CYYR1: variants seen among roughly 807,000 people sequenced by gnomAD.
The protein encoded by CYYR1 is cysteine and tyrosine rich 1.
CYYR1 carries 14 observed loss-of-function variants against 15.2 expected under a neutral mutation model. The ratio of observed to expected loss-of-function variants is 0.92; its 90% CI spans 0.61 to 1.44. The LOEUF is 1.44. CYYR1 is among the 40% of genes most tolerant of loss of function. The pLI is 0.00. For synonymous variants in CYYR1, 80 were observed against 77.4 expected (o/e 1.03, Z -0.18); for missense variants, 228 against 209.5 (o/e 1.09, Z -0.54).
intron 2 of CYYR1, among the ~76,000 whole-genome samples, chr21:26,565,720 G>T (rs975104090): frequency 1.3e-5 from 2 of 152,128 alleles, no homozygotes; most frequent in Admixed American, 6.5e-5. Context: ...TTATCACTTT[G>T]CATTACTCAT....
intron 2 of CYYR1, among the ~76,000 whole-genome samples, chr21:26,520,955 T>A (rs2065797393): frequency 6.6e-6 from 1 of 152,146 alleles, no homozygotes. Flanking sequence ...CACTGCGCGT[T>A]CTCACTTGTA....
chr21:26,489,354 A>G (rs560618312), intron 2 of CYYR1, among the ~76,000 whole-genome samples: 1 of 152,174 alleles, frequency 6.6e-6, no homozygotes, highest in Admixed American at 6.5e-5. Context: ...GCTTTGATTG[A>G]TGAACAAAAA....
At chr21:26,482,163 A>C (rs748900671) in intron 2 of CYYR1, 8 of 471,216 alleles carry the variant, frequency 1.7e-5, no homozygotes, top group Non-Finnish European at 2.2e-5. Flanking sequence ...TCCTTGGTTA[A>C]ATCAGTCTTC....
chr21:26,538,467 T>C (rs575915702), intron 2 of CYYR1, among the ~76,000 whole-genome samples: 6 of 152,314 alleles, frequency 3.9e-5, no homozygotes, highest in African/African-American at 1.4e-4. Context: ...GAATGCAATA[T>C]AGTCTTTTAT....
intron 1 of CYYR1, among the ~76,000 whole-genome samples, chr21:26,567,700 T>G (rs543707137): frequency 3.3e-5 from 5 of 152,174 alleles, no homozygotes; most frequent in African/African-American, 1.2e-4. Flanking sequence ...TATATAAAAC[T>G]TTTGTTTCCC....
intron 2 of CYYR1, among the ~76,000 whole-genome samples, chr21:26,546,801 A>G (rs908987352): frequency 6.6e-6 from 1 of 152,170 alleles, no homozygotes; most frequent in Admixed American, 6.5e-5. Context: ...GTCGGGATAG[A>G]TTCTACTCTG....
At position 26,468,325 on chromosome 21, in the gene CYYR1, G is replaced by A; in HGVS notation, c.*176C>T. 1 of 647,024 alleles carries A rather than the reference G, an allele frequency of 1.5e-6. No individual in the cohort carries two copies. The highest frequency in any genetic ancestry group is 2.8e-6 in the Non-Finnish European group (1 of 356,110). The allele number at this position is 647,024 out of a possible 1,614,324, so 40.1% of individuals were successfully genotyped here. On this transcript the variant is annotated 3_prime_UTR_variant, in exon 4 of 4. Coordinates refer to ENST00000652641, the MANE Select transcript of CYYR1 (RefSeq NM_001320768.2). ...ACCAAACATTAATACTCCAGATGGG[G>A]TCAGCTTTGAGCAGAGTAGAAATCC...
intron 2 of CYYR1, among the ~76,000 whole-genome samples, chr21:26,492,879 T>C (rs576716014): frequency 2.0e-5 from 3 of 152,062 alleles, no homozygotes; most frequent in Non-Finnish European, 4.4e-5. Context: ...AAGTGCAAAC[T>C]AGGTTCTATG....
rs892093088 is a variant in CYYR1 at position 26,573,103 on chromosome 21, C to T, written c.-163G>A. 3.3e-6 allele frequency: 5 copies of T among 1,517,052 alleles called. No homozygotes were observed. Among genetic ancestry groups the T allele is most frequent in the Non-Finnish European group, 3.5e-6 (4 of 1,136,678 alleles). 94.0% of individuals were successfully genotyped at this position (1,517,052 alleles called of 1,614,324 possible). On this transcript the variant is annotated 5_prime_UTR_variant, in exon 1 of 4. Transcript: ENST00000652641. The stretch of plus-strand genomic sequence containing the variant: ...GCCTTCCAAGGGAGCCCGGGCCGGG[C>T]GCGTCCCGGGCCAGCGACTGCGGGA...
intron 2 of CYYR1, among the ~76,000 whole-genome samples, chr21:26,540,404 T>A (rs966498548): frequency 6.6e-6 from 1 of 152,138 alleles, no homozygotes; most frequent in African/African-American, 2.4e-5. Flanking sequence ...CCTTGGGGTG[T>A]ACTGCTTTTA....
chr21:26,482,599 CAAAG>C, intron 2 of CYYR1: 9 of 727,850 alleles, frequency 1.2e-5, no homozygotes, highest in Non-Finnish European at 1.5e-5. Flanking sequence ...AAAATCGACT[CAAAG>C]GAAAGTAGAT....
At chr21:26,482,525 C>T (rs1227947793) in intron 2 of CYYR1, 2 of 984,996 alleles carry the variant, frequency 2.0e-6, no homozygotes, top group Non-Finnish European at 1.2e-6. Flanking sequence ...TTTCTGGACC[C>T]AATTCTTGCT....
chr21:26,543,133 AAGG>A (rs1405131058), intron 2 of CYYR1, among the ~76,000 whole-genome samples: 1 of 152,180 alleles, frequency 6.6e-6, no homozygotes, highest in African/African-American at 2.4e-5. Flanking sequence ...GGAGCTGAAC[AAGG>A]AGAACACAGG....
At chr21:26,544,428 C>T (rs934597475) in intron 2 of CYYR1, among the ~76,000 whole-genome samples, 2 of 152,270 alleles carry the variant, frequency 1.3e-5, no homozygotes, top group East Asian at 1.9e-4. Context: ...TAGATTTTAG[C>T]ATACTGACTC....
chr21:26,522,149 G>A (rs2065810917), intron 2 of CYYR1, among the ~76,000 whole-genome samples: 1 of 152,158 alleles, frequency 6.6e-6, no homozygotes, highest in Admixed American at 6.5e-5. Context: ...CTTCCACTAG[G>A]AGGTTAATGA....
chr21:26,534,316 C>T (rs1464477239), intron 2 of CYYR1, among the ~76,000 whole-genome samples: 2 of 152,152 alleles, frequency 1.3e-5, no homozygotes, highest in African/African-American at 2.4e-5. Context: ...ACTGCTTTCT[C>T]AACTTCTCCA....
At chr21:26,478,234 A>T in intron 3 of CYYR1, 1 of 1,454,258 alleles carries the variant, frequency 6.9e-7, no homozygotes, top group South Asian at 1.3e-5. Flanking sequence ...AAAGCAGAGC[A>T]GCACAAAGAG....
intron 2 of CYYR1, among the ~76,000 whole-genome samples, chr21:26,519,592 A>T (rs1430265850): frequency 6.6e-6 from 1 of 152,220 alleles, no homozygotes; most frequent in East Asian, 1.9e-4. Flanking sequence ...ACTCTGTGTG[A>T]AAAAGGGAAA....
chr21:26,556,657 G>C (rs552845202), intron 2 of CYYR1, among the ~76,000 whole-genome samples: 11 of 152,170 alleles, frequency 7.2e-5, no homozygotes, highest in Admixed American at 5.9e-4. Flanking sequence ...ACAGTGAAAG[G>C]GGAAGGGCTA....
Sources: allele counts gnomAD v4.1 joint callset (sites outside exome capture counted in the v4.1 genomes callset), GRCh38; gene constraint gnomAD v4.1.1; transcripts MANE v1.5; gene names NCBI Gene and HGNC (gene_info 2026-07-23, HGNC 2026-07-21).